Variants in SLC28A3 observed in about 807,000 individuals in gnomAD.
The protein encoded by SLC28A3 is concentrative Na(+)-nucleoside cotransporter 3.
A neutral mutation model predicts 84.2 loss-of-function variants in SLC28A3; 68 were observed. The observed-to-expected ratio is 0.81, with a 90% CI of 0.66 to 0.99. The LOEUF (loss-of-function observed/expected upper bound fraction) is 0.99. Ranked by LOEUF, SLC28A3 falls within the 50% of genes least tolerant of loss-of-function variation. SLC28A3 has a pLI of 0.00. For missense variants in SLC28A3, 712 were observed against 841.5 expected (o/e 0.85, Z 1.90); for synonymous variants, 267 against 303.6 (o/e 0.88, Z 1.25).
chr9:84,279,218 T>C, intron 17 of SLC28A3, 47 bp downstream of exon 17: 1 of 1,466,222 alleles, frequency 6.8e-7, no homozygotes, highest in South Asian at 1.4e-5. Context: ...TGTGATTTGA[T>C]TGATTATTAA....
intron 8 of SLC28A3, among the ~76,000 whole-genome samples, chr9:84,296,358 G>C (rs1023191792): frequency 6.6e-6 from 1 of 152,184 alleles, no homozygotes. Flanking sequence ...TAAACTGCTG[G>C]TTTAACGTTT....
the SLC28A3 span, among the ~76,000 whole-genome samples, chr9:84,346,049 C>T: frequency 1.1e-4 from 17 of 152,174 alleles, no homozygotes; most frequent in Non-Finnish European, 2.4e-4. Flanking sequence ...TAGCTTGTGC[C>T]AAGAACTAAA....
At chr9:84,327,030 C>G (rs968043819) in intron 1 of SLC28A3, among the ~76,000 whole-genome samples, 2 of 150,440 alleles carry the variant, frequency 1.3e-5, no homozygotes, top group African/African-American at 5.0e-5. Context: ...CAAAAACACC[C>G]AAAAAACATA....
At chr9:84,299,788 G>T in intron 5 of SLC28A3, 63 bp from the exon 6 acceptor site, 1 of 1,517,328 alleles carries the variant, frequency 6.6e-7, no homozygotes, top group Non-Finnish European at 8.8e-7. Context: ...ATCATAATCA[G>T]GCTTAATTTT....
At chr9:84,340,312 C>G (rs561968061) in intron 1 of SLC28A3, among the ~76,000 whole-genome samples, 1 of 152,046 alleles carries the variant, frequency 6.6e-6, no homozygotes, top group South Asian at 2.1e-4. Context: ...CTGCTGTGAG[C>G]CAGAAGGGAA....
rs2118390754 is a variant in SLC28A3, at chr9:84,309,648, C to T, written c.223G>A (p.Glu75Lys). The T allele has an allele frequency of 2.5e-6, 4 of 1,611,138 alleles. No individual in the cohort carries two copies. Among genetic ancestry groups the T allele is most frequent in the South Asian group, 1.1e-5 (1 of 90,990 alleles). The change falls in exon 3 of 18, where the codon GAG becomes AAG. Residue 75 changes from glutamate (E) to lysine (K), a missense_variant. Transcript: ENST00000376238. ...CTGTACCCTTTTTGTTGCATCTCCT[C>T]ATCATCATCCTCCATGTGTTCTCTG... The part of the protein sequence containing the change: ...RNREHMEDDD[E>K]EMQQKGCLER...
At position 84,292,679 on chromosome 9, in the gene SLC28A3, AT is replaced by A; in HGVS notation, c.1011del (p.Phe338LeufsTer27). 1 of 1,609,628 alleles carries A rather than the reference AT, an allele frequency of 6.2e-7. No homozygotes were observed. The highest frequency in any genetic ancestry group is 2.2e-5 in the East Asian group (1 of 44,548). On this transcript the variant is annotated frameshift_variant, in exon 10 of 18. Transcript: ENST00000376238. LOFTEE classifies it high-confidence loss of function. The stretch of plus-strand genomic sequence containing the variant: ...ATATTACAACTTACTTGTCCAACAA[AT>A]ATATTGCCAGAAGCAACTACAGATT... ...PIESVVASGN[I>X]FVGQTESPLL...
At chr9:84,293,466 C>A (rs886718310) in intron 9 of SLC28A3, among the ~76,000 whole-genome samples, 2 of 152,170 alleles carry the variant, frequency 1.3e-5, no homozygotes, top group African/African-American at 2.4e-5. Context: ...CTGGTTCCCT[C>A]TCTCTCTTCT....
intron 14 of SLC28A3, among the ~76,000 whole-genome samples, chr9:84,284,955 A>G (rs542352179): frequency 1.3e-5 from 2 of 152,214 alleles, no homozygotes; most frequent in Non-Finnish European, 2.9e-5. Flanking sequence ...ACTGTTAGCC[A>G]CTAGACTATG....
the SLC28A3 span, among the ~76,000 whole-genome samples, chr9:84,362,659 TAATAAATAAATA>T: frequency 2.7e-5 from 4 of 145,504 alleles, 1 homozygote; most frequent in South Asian, 8.5e-4. Flanking sequence ...ATAAATAAGT[TAATAAATAAATA>T]AATAAATAAA....
At chr9:84,292,521 A>C in intron 10 of SLC28A3, 147 bp downstream of exon 10, 199 of 529,376 alleles carry the variant, frequency 3.8e-4, no homozygotes, top group Non-Finnish European at 4.1e-4. Context: ...TCCCCCTGGA[A>C]TCCGGACATT....
At chr9:84,285,766 G>A (rs1300552619) in intron 13 of SLC28A3, among the ~76,000 whole-genome samples, 177 bp downstream of exon 13, 1 of 152,156 alleles carries the variant, frequency 6.6e-6, no homozygotes, top group East Asian at 1.9e-4. Flanking sequence ...TCGTTGTGGG[G>A]AAGGAGGGGG....
At chr9:84,308,555 A>T (rs560137622) in intron 3 of SLC28A3, among the ~76,000 whole-genome samples, 4 of 152,306 alleles carry the variant, frequency 2.6e-5, no homozygotes, top group East Asian at 3.9e-4. Flanking sequence ...CAAAAAAAAA[A>T]TTTAAAATCT....
intron 17 of SLC28A3, among the ~76,000 whole-genome samples, 163 bp downstream of exon 17, chr9:84,279,102 A>G (rs550882621): frequency 6.6e-6 from 1 of 151,360 alleles, no homozygotes; most frequent in Non-Finnish European, 1.5e-5. Flanking sequence ...AAGTTATAAA[A>G]TTAAGTCGAT....
the SLC28A3 span, among the ~76,000 whole-genome samples, chr9:84,358,063 A>G: frequency 3.3e-5 from 5 of 152,202 alleles, no homozygotes; most frequent in South Asian, 2.1e-4. Flanking sequence ...AGATTAAACC[A>G]GATAGCAAGA....
At chr9:84,301,368 A>G (rs1057438409) in intron 5 of SLC28A3, among the ~76,000 whole-genome samples, 7 of 151,064 alleles carry the variant, frequency 4.6e-5, no homozygotes, top group South Asian at 4.2e-4. Context: ...AAAAAAAAAA[A>G]AAAAAAGAAA....
the SLC28A3 span, among the ~76,000 whole-genome samples, chr9:84,361,402 A>G: frequency 3.9e-5 from 6 of 152,350 alleles, no homozygotes; most frequent in Middle Eastern, 6.8e-3. Context: ...GAGCCATCAC[A>G]TGCTTATTGA....
At chr9:84,325,224 C>T (rs576751417) in intron 1 of SLC28A3, among the ~76,000 whole-genome samples, 19 of 152,066 alleles carry the variant, frequency 1.2e-4, no homozygotes, top group African/African-American at 4.6e-4. Flanking sequence ...GGAGTCCTGT[C>T]TTGGAATCCT....
the SLC28A3 span, among the ~76,000 whole-genome samples, chr9:84,353,949 T>G: frequency 6.6e-6 from 1 of 152,226 alleles, no homozygotes. Flanking sequence ...ATATAAATTC[T>G]AATTACTGAA....
Sources: allele counts gnomAD v4.1 joint callset (sites outside exome capture counted in the v4.1 genomes callset), GRCh38; gene constraint gnomAD v4.1.1; transcripts MANE v1.5; gene names NCBI Gene and HGNC (gene_info 2026-07-23, HGNC 2026-07-21).